The following BICC1 variants were observed in gnomAD, a reference collection of about 807,000 sequenced individuals.
BICC1 encodes protein bicaudal C homolog 1.
BICC1 carries 43 observed loss-of-function variants against 111.0 expected under a neutral mutation model. The ratio of observed to expected loss-of-function variants is 0.39; its 90% CI spans 0.30 to 0.50. The LOEUF (loss-of-function observed/expected upper bound fraction) is 0.50. BICC1 is among the 20% of genes least tolerant of loss of function. The pLI is 0.88. For missense variants in BICC1, 1,091 were observed against 1,203.2 expected, an observed-to-expected ratio of 0.91 and a Z score of 1.38; for synonymous variants, 467 against 434.4, an observed-to-expected ratio of 1.07 and a Z score of -0.93.
chr10:58,571,982 A>G (rs765932761), intron 1 of BICC1, among the ~76,000 whole-genome samples: 7 of 152,092 alleles, frequency 4.6e-5, no homozygotes, highest in South Asian at 4.1e-4. Flanking sequence ...TTTCTCCACA[A>G]TCTCGCAAGC....
intron 1 of BICC1, among the ~76,000 whole-genome samples, chr10:58,591,929 A>C (rs1415631165): frequency 6.6e-6 from 1 of 152,226 alleles, no homozygotes; most frequent in African/African-American, 2.4e-5. Flanking sequence ...AGTTGTGCTT[A>C]GCAATGTTTC....
chr10:58,755,574 A>G (rs1441167636), intron 3 of BICC1, among the ~76,000 whole-genome samples: 1 of 152,214 alleles, frequency 6.6e-6, no homozygotes, highest in Non-Finnish European at 1.5e-5. Context: ...AAAAAGTTGC[A>G]ATAGAGTTCA....
At chr10:58,793,311 G>A (rs553918353) in intron 8 of BICC1, among the ~76,000 whole-genome samples, 173 bp from the exon 9 acceptor site, 5 of 152,248 alleles carry the variant, frequency 3.3e-5, no homozygotes, top group East Asian at 1.9e-4. Flanking sequence ...CCCCCTCAAC[G>A]TTAATGCCAC....
chr10:58,786,973 T>G lies in BICC1; in HGVS notation c.438T>G (p.His146Gln), dbSNP rs1843028067. The G allele has an allele frequency of 3.7e-6, 6 of 1,609,406 alleles. No homozygotes were observed. Among genetic ancestry groups the G allele is most frequent in the Non-Finnish European group, 5.1e-6 (6 of 1,178,386 alleles). Reference sequence around the variant, plus strand: ...ATGTTTCACATACAGAACATTCACATGTAATCGGCAAAGGTGGCAACAATA... The same window carrying G: ...ATGTTTCACATACAGAACATTCACAGGTAATCGGCAAAGGTGGCAACAATA... ...KMDVSHTEHS[H>Q]VIGKGGNNIK... Residue 146 changes from histidine to glutamine, a missense_variant, in exon 5 of 21, where the codon CAT becomes CAG. Coordinates refer to ENST00000373886, the MANE Select transcript of BICC1 (RefSeq NM_001080512.3).
At chr10:58,805,005 C>T (rs1420383228) in intron 15 of BICC1, among the ~76,000 whole-genome samples, 1 of 152,078 alleles carries the variant, frequency 6.6e-6, no homozygotes, top group Non-Finnish European at 1.5e-5. Context: ...CCTAAGACTG[C>T]AAGTCAGCCA....
chr10:58,776,798 C>T (rs1244853563), intron 3 of BICC1, among the ~76,000 whole-genome samples: 1 of 152,166 alleles, frequency 6.6e-6, no homozygotes, highest in Non-Finnish European at 1.5e-5. Context: ...TTCCTCCTGG[C>T]ACTTCATTTT....
chr10:58,685,077 T>C (rs1367180409), intron 2 of BICC1, among the ~76,000 whole-genome samples: 2 of 152,258 alleles, frequency 1.3e-5, no homozygotes, highest in African/African-American at 4.8e-5. Flanking sequence ...GTGTCTTTGT[T>C]CTCATTGGTT....
chr10:58,818,504 TAGTC>T (rs1467107096), intron 19 of BICC1, among the ~76,000 whole-genome samples: 1 of 152,168 alleles, frequency 6.6e-6, no homozygotes, highest in Non-Finnish European at 1.5e-5. Flanking sequence ...ACATCTGATT[TAGTC>T]AGTAATTTCT....
At chr10:58,652,335 G>A (rs772638406) in intron 2 of BICC1, among the ~76,000 whole-genome samples, 3 of 152,144 alleles carry the variant, frequency 2.0e-5, no homozygotes, top group Non-Finnish European at 2.9e-5. Flanking sequence ...AAATTAATAT[G>A]TTAATTCACA....
At chr10:58,799,363 A>T in intron 12 of BICC1, 111 bp downstream of exon 12, 1 of 728,252 alleles carries the variant, frequency 1.4e-6, no homozygotes, top group Non-Finnish European at 2.0e-6. Flanking sequence ...TGCTGTTTGT[A>T]AGAGATAAAC....
At position 58,820,482 on chromosome 10, in the gene BICC1, T is replaced by C. The variant is rs1255437808; in HGVS notation, c.2794+14T>C. 2 of 1,559,008 alleles carry C rather than the reference T, an allele frequency of 1.3e-6. No individual in the cohort carries two copies. The highest frequency in any genetic ancestry group is 1.8e-6 in the Non-Finnish European group (2 of 1,131,102). On this transcript the variant is annotated intron_variant, in intron 20 of 20. Coordinates refer to ENST00000373886, the MANE Select transcript of BICC1 (RefSeq NM_001080512.3). ...TTGCAATTTCAGGTGAATATAAATA[T>C]TCAACTCATATGTTAAAATCTGAAT...
At chr10:58,732,128 C>A (rs546294151) in intron 3 of BICC1, among the ~76,000 whole-genome samples, 1 of 151,936 alleles carries the variant, frequency 6.6e-6, no homozygotes, top group East Asian at 1.9e-4. Context: ...TCTAGCTTTT[C>A]ATTTAATGTG....
intron 16 of BICC1, 55 bp downstream of exon 16, chr10:58,806,678 G>A: frequency 2.1e-6 from 3 of 1,398,986 alleles, no homozygotes; most frequent in Non-Finnish European, 3.0e-6. Flanking sequence ...ACTCATAAAT[G>A]TTTTTTGAGT....
chr10:58,631,355 G>A (rs916537550), intron 2 of BICC1, among the ~76,000 whole-genome samples: 4 of 151,560 alleles, frequency 2.6e-5, no homozygotes, highest in Admixed American at 6.6e-5. Context: ...TAACAGTTGC[G>A]GCTTGTCCCA....
chr10:58,521,180 C>A (rs1384314649), intron 1 of BICC1, among the ~76,000 whole-genome samples: 1 of 152,082 alleles, frequency 6.6e-6, no homozygotes, highest in Non-Finnish European at 1.5e-5. Context: ...GGAATGAGTC[C>A]AGTGTTTCTA....
rs190299960 is a variant in BICC1 at position 58,748,450 on chromosome 10, A to G, written c.308-36551A>G. ...AATATCTTTTTCTCCAGTAAGATTCATATGAAAAAGTGGTGGGGGGTGGGG... is the reference window on the plus strand; with the variant it reads ...AATATCTTTTTCTCCAGTAAGATTCGTATGAAAAAGTGGTGGGGGGTGGGG... On this transcript the variant is annotated intron_variant, in intron 3 of 20. Transcript: ENST00000373886. Among the ~76,000 whole-genome samples, 407 of 152,074 alleles carry G rather than the reference A, an allele frequency of 2.7e-3. 5 individuals are homozygous for G. Among genetic ancestry groups the G allele is most frequent in the African/African-American group, 9.2e-3 (383 of 41,482 alleles).
At chr10:58,580,205 G>A (rs867324180) in intron 1 of BICC1, among the ~76,000 whole-genome samples, 171 of 152,048 alleles carry the variant, frequency 1.1e-3, no homozygotes, top group African/African-American at 4.1e-3. Flanking sequence ...TGTATTTTTA[G>A]TAGAGACAGG....
At position 58,730,701 on chromosome 10, in the gene BICC1, T is replaced by C. The variant is rs535187370; in HGVS notation, c.307+28558T>C. Among the ~76,000 whole-genome samples the C allele has an allele frequency of 2.0e-5, 3 of 152,218 alleles. No homozygotes were observed. In the South Asian group the frequency reaches 6.2e-4, roughly 32 times the overall value. On this transcript the variant is annotated intron_variant, in intron 3 of 20. Coordinates refer to ENST00000373886, the MANE Select transcript of BICC1 (RefSeq NM_001080512.3). ...CTTTCTTTCTGTGTCCCTGTGATCT[T>C]AACACAGTGTAGAAACCACCAATGC...
chr10:58,817,386 C>T (rs1220955841), intron 18 of BICC1, among the ~76,000 whole-genome samples, 176 bp from the exon 19 acceptor site: 1 of 152,160 alleles, frequency 6.6e-6, no homozygotes, highest in African/African-American at 2.4e-5. Context: ...AAGCAATAAC[C>T]AGCATTTCCT....
Sources: allele counts gnomAD v4.1 joint callset (sites outside exome capture counted in the v4.1 genomes callset), GRCh38; gene constraint gnomAD v4.1.1; transcripts MANE v1.5; gene names NCBI Gene and HGNC (gene_info 2026-07-23, HGNC 2026-07-21).